The following ITGA1 variants were observed in gnomAD, a reference collection of about 807,000 sequenced individuals.
ITGA1 encodes integrin alpha-1.
In ITGA1, 85 loss-of-function variants were observed where a neutral mutation model predicts 145.9. The observed-to-expected ratio is 0.58, with a 90% CI of 0.49 to 0.70. The LOEUF (loss-of-function observed/expected upper bound fraction) is 0.70. ITGA1 is among the 30% of genes least tolerant of loss of function. The pLI is 0.00. For synonymous variants in ITGA1, 520 were observed against 495.3 expected, an observed-to-expected ratio of 1.05 and a Z score of -0.66; for missense variants, 1,351 against 1,418.7, an observed-to-expected ratio of 0.95 and a Z score of 0.77.
At chr5:52,857,972 T>G (rs549541142) in intron 2 of ITGA1, among the ~76,000 whole-genome samples, 2 of 152,290 alleles carry the variant, frequency 1.3e-5, no homozygotes, top group East Asian at 3.9e-4. Context: ...GAACCAAAGT[T>G]TTTGTCTTGG....
At position 52,889,215 on chromosome 5, in the gene ITGA1, C is replaced by T. The variant is rs181173529; in HGVS notation, c.924+1250C>T. 3.9e-3 allele frequency among the ~76,000 whole-genome samples: 586 copies of T among 152,192 alleles called. 2 individuals are homozygous for T. Among genetic ancestry groups the T allele is most frequent in the Non-Finnish European group, 7.3e-3 (496 of 68,006 alleles). On this transcript the variant is annotated intron_variant, in intron 8 of 28. Coordinates refer to ENST00000282588, the MANE Select transcript of ITGA1 (RefSeq NM_181501.2). ...CTCCCAGGATCAAGCAATTCTCCTG[C>T]CTCAGCCTCCCAAGTAGCTGGGACC... is the stretch of plus-strand genomic sequence containing the variant.
chr5:52,872,760 T>C (rs1749797959), intron 6 of ITGA1, among the ~76,000 whole-genome samples: 2 of 152,020 alleles, frequency 1.3e-5, no homozygotes, highest in African/African-American at 4.8e-5. Flanking sequence ...TTACTTGCTT[T>C]TCCTGTGATT....
At chr5:52,800,042 T>TG (rs1404407178) in intron 1 of ITGA1, 1 of 305,544 alleles carries the variant, frequency 3.3e-6, no homozygotes. Context: ...GCCTCTCCTT[T>TG]GGGGACGGGA....
chr5:52,929,525 C>CTTCATAAT (rs1490962451), intron 20 of ITGA1, 100 bp from the exon 21 acceptor site: 2 of 657,176 alleles, frequency 3.0e-6, no homozygotes, highest in African/African-American at 3.7e-5. Flanking sequence ...TCTCAAATAA[C>CTTCATAAT]TTCATAATTT....
chr5:52,873,696 A>G (rs937224228), intron 6 of ITGA1, among the ~76,000 whole-genome samples: 8 of 152,182 alleles, frequency 5.3e-5, no homozygotes, highest in Admixed American at 3.3e-4. Context: ...AGGGCTTTGT[A>G]CCATAGTTTG....
At chr5:52,809,661 A>G (rs963179011) in intron 1 of ITGA1, among the ~76,000 whole-genome samples, 2 of 151,886 alleles carry the variant, frequency 1.3e-5, no homozygotes, top group Non-Finnish European at 2.9e-5. Context: ...GCGTGCCACC[A>G]CACCCAGCTA....
rs114026401 is a variant in ITGA1 at position 52,885,705 on chromosome 5, C to T, written c.774-2110C>T. Among the ~76,000 whole-genome samples, 385 of 152,266 alleles carry T rather than the reference C, an allele frequency of 2.5e-3. 3 individuals carry two copies. The highest frequency in any genetic ancestry group is 8.5e-3 in the African/African-American group (352 of 41,546). ...TAGCAGTGTGAGCAATGGGCTTTTA[C>T]GAGCTGAATGCAAAATCAAATTAAA... On this transcript the variant is annotated intron_variant, in intron 7 of 28. Coordinates refer to ENST00000282588, the MANE Select transcript of ITGA1 (RefSeq NM_181501.2).
At position 52,942,946 on chromosome 5, in the gene ITGA1, A is replaced by G. The variant is rs560460150; in HGVS notation, c.3286-1997A>G. On this transcript the variant is annotated intron_variant, in intron 26 of 28. Transcript: ENST00000282588. Reference sequence around the variant, plus strand: ...TATATTCTGAAACTTTACTAAAGTCATTTATGAATTCTAGGAGTTTTTTGG... The same window carrying G: ...TATATTCTGAAACTTTACTAAAGTCGTTTATGAATTCTAGGAGTTTTTTGG... 9.8e-5 allele frequency among the ~76,000 whole-genome samples: 15 copies of G among 152,324 alleles called. No homozygotes were observed. The East Asian group carries it at 2.3e-3, about 23-fold the overall frequency.
intron 28 of ITGA1, among the ~76,000 whole-genome samples, chr5:52,951,094 T>TAGC (rs1751212542): frequency 1.3e-5 from 2 of 152,172 alleles, no homozygotes; most frequent in African/African-American, 2.4e-5. Context: ...ATAAAAATTT[T>TAGC]CCAACCTAAA....
intron 28 of ITGA1, among the ~76,000 whole-genome samples, chr5:52,948,647 A>C (rs969915742): frequency 4.6e-5 from 7 of 152,236 alleles, no homozygotes; most frequent in African/African-American, 1.7e-4. Flanking sequence ...ATAAGGGATC[A>C]GTGTTCTCTC....
chr5:52,874,796 T>G (rs371665941), intron 6 of ITGA1, among the ~76,000 whole-genome samples: 1 of 152,180 alleles, frequency 6.6e-6, no homozygotes, highest in Non-Finnish European at 1.5e-5. Context: ...AAATAATATA[T>G]TGGGACAGCT....
In ITGA1 at chr5:52,946,661, T is replaced by C. The variant is rs949146894; in HGVS notation, c.3379-684T>C. ...CCCCAGGGATGAGACACAGAGCAGA[T>C]AGGTTTCATTGAGGTTTGAGTGCCA... On this transcript the variant is annotated intron_variant, in intron 27 of 28. Transcript: ENST00000282588. 6.0e-5 allele frequency among the ~76,000 whole-genome samples: 9 copies of C among 150,558 alleles called. No individual in the cohort carries two copies. The East Asian group carries it at 1.4e-3, about 23-fold the overall frequency.
At chr5:52,906,697 T>G (rs1272610509) in intron 12 of ITGA1, among the ~76,000 whole-genome samples, 1 of 152,206 alleles carries the variant, frequency 6.6e-6, no homozygotes, top group African/African-American at 2.4e-5. Flanking sequence ...ATTTATTAAC[T>G]TTATTCCACA....
chr5:52,811,887 C>A (rs553309625), intron 1 of ITGA1, among the ~76,000 whole-genome samples: 1 of 152,132 alleles, frequency 6.6e-6, no homozygotes, highest in Non-Finnish European at 1.5e-5. Context: ...TCAAACCAGG[C>A]GGCACCAATC....
chr5:52,796,405 T>C (rs145103175), intron 1 of ITGA1, among the ~76,000 whole-genome samples: 35 of 152,098 alleles, frequency 2.3e-4, no homozygotes, highest in African/African-American at 7.9e-4. Flanking sequence ...TATACTGATA[T>C]AAAGTTACTG....
At chr5:52,907,299 A>G (rs567027501) in intron 12 of ITGA1, among the ~76,000 whole-genome samples, 2 of 152,318 alleles carry the variant, frequency 1.3e-5, no homozygotes, top group South Asian at 2.1e-4. Context: ...AACTGGAGGT[A>G]AGAGAACGTA....
rs1342755068 is a variant in ITGA1, at chr5:52,894,352, AT to A, written c.1090+514del. On this transcript the variant is annotated intron_variant, in intron 9 of 28. Transcript: ENST00000282588. ...GCCTTAAAATCCATGGCAATGAAAC[AT>A]TGGTTCACTGTATTTGTCTAAATCA... is the stretch of plus-strand genomic sequence containing the variant. Among the ~76,000 whole-genome samples the A allele has an allele frequency of 5.9e-5, 9 of 152,256 alleles. No individual in the cohort carries two copies. In the East Asian group the frequency reaches 1.7e-3, roughly 29 times the overall value.
At chr5:52,911,694 A>G (rs1269047568) in intron 14 of ITGA1, among the ~76,000 whole-genome samples, 2 of 135,304 alleles carry the variant, frequency 1.5e-5, no homozygotes, top group African/African-American at 5.4e-5. Flanking sequence ...TATACTATAC[A>G]TATAGTGTAT....
intron 6 of ITGA1, among the ~76,000 whole-genome samples, chr5:52,875,010 T>C (rs1334565033): frequency 1.3e-5 from 2 of 152,140 alleles, no homozygotes; most frequent in East Asian, 1.9e-4. Context: ...CCACAATGCA[T>C]GTTTTTAAAG....
Sources: gnomAD v4.1 joint callset for allele counts (sites outside exome capture counted in the v4.1 genomes callset) on GRCh38, gnomAD v4.1.1 for gene constraint, MANE v1.5 for transcripts, NCBI Gene and HGNC (gene_info 2026-07-23, HGNC 2026-07-21) for gene names.